Variants in FER observed in about 807,000 individuals in gnomAD.
FER encodes tyrosine-protein kinase Fer.
A neutral mutation model predicts 111.0 loss-of-function variants in FER; 63 were observed. The observed-to-expected ratio is 0.57, with a 90% confidence interval of 0.46 to 0.70. The LOEUF (loss-of-function observed/expected upper bound fraction) is 0.70. Among genes scored for constraint, FER ranks in the 30% least tolerant of loss-of-function variants. The pLI is 0.00. For synonymous variants in FER, 327 were observed against 313.9 expected (o/e 1.04, Z -0.44); for missense variants, 914 against 954.0 (o/e 0.96, Z 0.55).
intron 17 of FER, among the ~76,000 whole-genome samples, chr5:109,129,316 G>A (rs1752094948): frequency 2.0e-5 from 3 of 151,850 alleles, no homozygotes; most frequent in South Asian, 4.1e-4. Flanking sequence ...TAAGAGTTTC[G>A]TGTCACAAAC....
In FER at chr5:108,867,765, AG is replaced by A; in HGVS notation, c.483del. 1 of 1,546,486 alleles carries A rather than the reference AG, an allele frequency of 6.5e-7. No individual in the cohort carries two copies. The highest frequency in any genetic ancestry group is 8.7e-7 in the Non-Finnish European group (1 of 1,153,816). ...ACTTTCTTCAGTTTTTTTTTTTTTC[AG>A]GGAAGGAAACTGAAAAGGCCAAGGA... On this transcript the variant is annotated splice_acceptor_variant, in intron 5 of 19. Transcript: ENST00000281092. LOFTEE classifies it high-confidence loss of function.
At chr5:108,927,703 A>G (rs1753980993) in intron 10 of FER, among the ~76,000 whole-genome samples, 1 of 152,014 alleles carries the variant, frequency 6.6e-6, no homozygotes, top group African/African-American at 2.4e-5. Context: ...ATTCCTCCTT[A>G]TTCATCAATG....
intron 13 of FER, among the ~76,000 whole-genome samples, chr5:109,004,874 T>G (rs960154964): frequency 6.6e-6 from 1 of 152,190 alleles, no homozygotes; most frequent in Non-Finnish European, 1.5e-5. Context: ...TATTTATTAA[T>G]AAGTATCATA....
intron 3 of FER, among the ~76,000 whole-genome samples, chr5:108,822,538 T>A (rs1404950674): frequency 9.2e-5 from 14 of 152,038 alleles, no homozygotes; most frequent in African/African-American, 2.7e-4. Flanking sequence ...AATCCACTTT[T>A]GTGGGAACTA....
At chr5:109,005,581 C>G (rs1437897816) in intron 13 of FER, among the ~76,000 whole-genome samples, 2 of 152,066 alleles carry the variant, frequency 1.3e-5, no homozygotes, top group African/African-American at 2.4e-5. Context: ...TATTTAAATT[C>G]TAGTAAATAT....
At chr5:109,105,592 A>G (rs1748819286) in intron 17 of FER, among the ~76,000 whole-genome samples, 1 of 152,218 alleles carries the variant, frequency 6.6e-6, no homozygotes, top group Non-Finnish European at 1.5e-5. Context: ...CTGTAAGACC[A>G]CTTTAAGTAA....
intron 3 of FER, among the ~76,000 whole-genome samples, chr5:108,812,027 C>T (rs1379428526): frequency 1.3e-5 from 2 of 152,164 alleles, no homozygotes; most frequent in African/African-American, 4.8e-5. Context: ...ATCTGCAGTT[C>T]CTTTGAGTCA....
intron 17 of FER, among the ~76,000 whole-genome samples, chr5:109,168,112 A>C (rs1012451840): frequency 6.6e-6 from 1 of 152,180 alleles, no homozygotes; most frequent in Non-Finnish European, 1.5e-5. Flanking sequence ...ATATTCATAC[A>C]ATATGATGGA....
intron 13 of FER, among the ~76,000 whole-genome samples, chr5:108,978,122 A>G (rs1342394763): frequency 6.6e-6 from 1 of 152,194 alleles, no homozygotes; most frequent in Non-Finnish European, 1.5e-5. Flanking sequence ...CTGGTATTAC[A>G]GGCATGAGCC....
At chr5:109,059,042 T>A (rs1774033681) in intron 16 of FER, among the ~76,000 whole-genome samples, 1 of 152,048 alleles carries the variant, frequency 6.6e-6, no homozygotes, top group East Asian at 1.9e-4. Flanking sequence ...GCCCGGCCAA[T>A]TTTATGCTAT....
chr5:109,143,967 G>C (rs1367076333), intron 17 of FER, among the ~76,000 whole-genome samples: 1 of 151,800 alleles, frequency 6.6e-6, no homozygotes, highest in East Asian at 1.9e-4. Context: ...GAGGCATCTT[G>C]ATTGCCATTA....
At chr5:109,134,970 A>G in intron 17 of FER, among the ~76,000 whole-genome samples, 1 of 152,192 alleles carries the variant, frequency 6.6e-6, no homozygotes, top group East Asian at 1.9e-4. Flanking sequence ...GAAACCGTGT[A>G]TATTTTGTTC....
intron 8 of FER, among the ~76,000 whole-genome samples, chr5:108,876,822 A>T (rs947400745): frequency 1.3e-5 from 2 of 152,202 alleles, no homozygotes; most frequent in Non-Finnish European, 2.9e-5. Context: ...ACTAACTTTG[A>T]ACTGCAGTGA....
intron 16 of FER, among the ~76,000 whole-genome samples, chr5:109,077,382 T>TA (rs1232622979): frequency 6.6e-6 from 1 of 152,130 alleles, no homozygotes; most frequent in Non-Finnish European, 1.5e-5. Context: ...AAAAAGCCTT[T>TA]AAAAAATACC....
At chr5:109,005,971 T>C (rs1026192640) in intron 13 of FER, among the ~76,000 whole-genome samples, 3 of 152,254 alleles carry the variant, frequency 2.0e-5, no homozygotes, top group African/African-American at 7.2e-5. Flanking sequence ...AAAGGAATTG[T>C]ACATTTTTAA....
intron 13 of FER, among the ~76,000 whole-genome samples, chr5:109,023,775 A>T (rs1561788827): frequency 6.6e-6 from 1 of 152,040 alleles, no homozygotes; most frequent in Non-Finnish European, 1.5e-5. Context: ...CACTTGATAG[A>T]TATTCAGTAA....
intron 13 of FER, among the ~76,000 whole-genome samples, chr5:109,020,662 C>G (rs532570593): frequency 6.6e-5 from 10 of 152,016 alleles, no homozygotes; most frequent in African/African-American, 2.4e-4. Context: ...TTATATATCC[C>G]CTTGTGAACT....
intron 17 of FER, among the ~76,000 whole-genome samples, chr5:109,106,968 G>T (rs1416601791): frequency 6.6e-6 from 1 of 152,194 alleles, no homozygotes; most frequent in Non-Finnish European, 1.5e-5. Context: ...TGGTAGGAAA[G>T]ATGCAGTATA....
intron 16 of FER, among the ~76,000 whole-genome samples, chr5:109,069,575 A>G (rs1775532692): frequency 1.3e-5 from 2 of 152,120 alleles, no homozygotes; most frequent in Non-Finnish European, 2.9e-5. Context: ...ATTTATGAAG[A>G]GTTTAATTTT....
Sources: allele counts gnomAD v4.1 joint callset (sites outside exome capture counted in the v4.1 genomes callset), GRCh38; gene constraint gnomAD v4.1.1; transcripts MANE v1.5; gene names NCBI Gene and HGNC (gene_info 2026-07-23, HGNC 2026-07-21).